Variants in DCC observed in about 807,000 individuals in gnomAD.
The protein encoded by DCC is netrin receptor DCC.
DCC carries 58 observed loss-of-function variants against 172.5 expected under a neutral mutation model. That is an observed-to-expected ratio of 0.34 (90% CI 0.27 to 0.42). The LOEUF is 0.42. Ranked by LOEUF, DCC falls within the 10% of genes least tolerant of loss-of-function variation. The pLI is 1.00. For synonymous variants in DCC, 709 were observed against 644.5 expected (o/e 1.10, Z -1.52); for missense variants, 1,740 against 1,791.0 (o/e 0.97, Z 0.51).
intron 1 of DCC, among the ~76,000 whole-genome samples, chr18:52,370,537 GGAA>G (rs1009113534): frequency 6.6e-6 from 1 of 152,048 alleles, no homozygotes; most frequent in African/African-American, 2.4e-5. Context: ...CACATTGGGG[GGAA>G]CAATACACAC....
intron 8 of DCC, among the ~76,000 whole-genome samples, chr18:53,175,936 G>T (rs2144464813): frequency 6.6e-6 from 1 of 152,200 alleles, no homozygotes; most frequent in Non-Finnish European, 1.5e-5. Context: ...TATACCACAA[G>T]GCTACAGTAA....
At chr18:53,378,348 T>C (rs1395827031) in intron 15 of DCC, among the ~76,000 whole-genome samples, 2 of 152,196 alleles carry the variant, frequency 1.3e-5, no homozygotes, top group Admixed American at 1.3e-4. Flanking sequence ...CTTTATGTAC[T>C]CTAGAGAGCT....
At chr18:53,173,045 A>G (rs1171265071) in intron 8 of DCC, among the ~76,000 whole-genome samples, 14 of 152,112 alleles carry the variant, frequency 9.2e-5, no homozygotes, top group Admixed American at 9.2e-4. Context: ...AAATAAGCAA[A>G]AATCCCCATC....
intron 1 of DCC, among the ~76,000 whole-genome samples, chr18:52,427,318 C>T (rs1350301922): frequency 6.6e-6 from 1 of 152,074 alleles, no homozygotes; most frequent in Non-Finnish European, 1.5e-5. Context: ...CCCTGCACTA[C>T]ATCCAGGGTT....
chr18:53,256,302 G>A (rs899934725), intron 12 of DCC, among the ~76,000 whole-genome samples: 48 of 152,164 alleles, frequency 3.2e-4, no homozygotes, highest in African/African-American at 1.1e-3. Flanking sequence ...CCTATGCCCC[G>A]AATGGCATTG....
intron 5 of DCC, among the ~76,000 whole-genome samples, chr18:52,926,664 G>C (rs780430012): frequency 6.6e-6 from 1 of 151,332 alleles, no homozygotes; most frequent in Non-Finnish European, 1.5e-5. Context: ...AGCATTACTT[G>C]CATGAGGTCA....
At chr18:53,177,203 A>C (rs139659795) in intron 8 of DCC, among the ~76,000 whole-genome samples, 11,938 of 151,440 alleles carry the variant, frequency 0.079, 573 homozygotes, top group African/African-American at 0.11. Flanking sequence ...CGGGGGAGGG[A>C]TAGCACTGGG....
chr18:52,670,308 TG>T (rs1382958339), intron 1 of DCC, among the ~76,000 whole-genome samples: 1 of 152,194 alleles, frequency 6.6e-6, no homozygotes, highest in Non-Finnish European at 1.5e-5. Context: ...AGGATGTGGA[TG>T]GAAGACCAGG....
At chr18:52,701,924 C>T (rs1449124704) in intron 1 of DCC, among the ~76,000 whole-genome samples, 1 of 152,184 alleles carries the variant, frequency 6.6e-6, no homozygotes, top group East Asian at 1.9e-4. Flanking sequence ...TAACAGCACA[C>T]ACTTAGCATA....
intron 27 of DCC, among the ~76,000 whole-genome samples, chr18:53,522,937 C>G (rs1283806340): frequency 6.6e-6 from 1 of 152,124 alleles, no homozygotes; most frequent in Non-Finnish European, 1.5e-5. Context: ...AACTAAAGAG[C>G]TTCTTCATAG....
At chr18:52,383,912 A>G (rs568883008) in intron 1 of DCC, among the ~76,000 whole-genome samples, 2 of 152,048 alleles carry the variant, frequency 1.3e-5, no homozygotes, top group Non-Finnish European at 2.9e-5. Flanking sequence ...TCATTCTTGT[A>G]TATGTATGTA....
intron 13 of DCC, among the ~76,000 whole-genome samples, chr18:53,310,044 A>G (rs11873021): frequency 0.3 from 45,170 of 149,894 alleles, 8,728 homozygotes; most frequent in Non-Finnish European, 0.44. Context: ...TATACTTAAA[A>G]TTTTTTTGAG....
At chr18:53,457,197 C>A (rs2045493599) in intron 23 of DCC, among the ~76,000 whole-genome samples, 1 of 152,200 alleles carries the variant, frequency 6.6e-6, no homozygotes, top group Non-Finnish European at 1.5e-5. Context: ...ACTACAATTT[C>A]TTCCCCAGTG....
chr18:52,764,396 G>T (rs2037211098), intron 2 of DCC, among the ~76,000 whole-genome samples: 1 of 152,220 alleles, frequency 6.6e-6, no homozygotes, highest in Non-Finnish European at 1.5e-5. Context: ...CAAACCTCGT[G>T]TTGAAATTTG....
At chr18:53,334,988 T>C (rs930936949) in intron 14 of DCC, among the ~76,000 whole-genome samples, 7 of 152,214 alleles carry the variant, frequency 4.6e-5, no homozygotes, top group Admixed American at 3.9e-4. Context: ...TTAATTCTAT[T>C]TTAAATTTCT....
intron 5 of DCC, among the ~76,000 whole-genome samples, chr18:52,975,512 A>T (rs1371957508): frequency 1.3e-5 from 2 of 151,780 alleles, no homozygotes; most frequent in South Asian, 2.1e-4. Flanking sequence ...CCCTCCTCCC[A>T]CCTTCCACCC....
chr18:52,856,005 T>C (rs976369479), intron 2 of DCC, among the ~76,000 whole-genome samples: 1 of 151,920 alleles, frequency 6.6e-6, no homozygotes. Context: ...CCTCAGGTGA[T>C]CCACCTGCCT....
chr18:53,204,265 G>C (rs1406103400), intron 9 of DCC, among the ~76,000 whole-genome samples: 1 of 151,422 alleles, frequency 6.6e-6, no homozygotes, highest in Non-Finnish European at 1.5e-5. Context: ...ACCTGGGCTG[G>C]GTGTGGTGTC....
chr18:53,111,383 A>G (rs1050536666), intron 7 of DCC, among the ~76,000 whole-genome samples: 1 of 150,708 alleles, frequency 6.6e-6, no homozygotes, highest in Non-Finnish European at 1.5e-5. Flanking sequence ...CATGTACCCT[A>G]AAACTTAAAG....
Sources: gnomAD v4.1 joint callset for allele counts (sites outside exome capture counted in the v4.1 genomes callset) on GRCh38, gnomAD v4.1.1 for gene constraint, MANE v1.5 for transcripts, NCBI Gene and HGNC (gene_info 2026-07-23, HGNC 2026-07-21) for gene names.